Variants in KIRREL3 observed in about 807,000 individuals in gnomAD.
KIRREL3 encodes kirre like nephrin family adhesion molecule 3.
Under a neutral mutation model 89.7 loss-of-function variants are expected in KIRREL3, and 36 were observed. The ratio of observed to expected loss-of-function variants is 0.40; its 90% CI spans 0.31 to 0.53. The LOEUF (loss-of-function observed/expected upper bound fraction) is 0.53. Among genes scored for constraint, KIRREL3 ranks in the 20% least tolerant of loss-of-function variants. The probability of loss-of-function intolerance (pLI) is 0.49; values close to 1 mark genes in which losing one functional copy is unlikely to be tolerated. For missense variants in KIRREL3, 864 were observed against 1,056.6 expected (o/e 0.82, Z 2.53); for synonymous variants, 445 against 441.4 (o/e 1.01, Z -0.10).
rs1255808529 is a variant in KIRREL3 at position 126,791,051 on chromosome 11, G to C, written c.55+209404C>G. Among the ~76,000 whole-genome samples, 3 of 152,182 alleles carry C rather than the reference G, an allele frequency of 2.0e-5. No homozygotes were observed. The highest frequency in any genetic ancestry group is 4.4e-5 in the Non-Finnish European group (3 of 68,026). On this transcript the variant is annotated intron_variant, in intron 1 of 16. Transcript: ENST00000525144. This position sits in a 1 kb window ranked among gnomAD's most constrained non-coding sequence, Gnocchi z 4.8. The stretch of plus-strand genomic sequence containing the variant: ...CAAATGAGCATGATGTCACTTCTTA[G>C]CTTTGGGAGGAAAAAATGAGTGATC...
In KIRREL3 at chr11:126,451,285, C is replaced by T. The variant is rs1032959229; in HGVS notation, c.849-2128G>A. ...GCTTGTGTGTCCGTGTGCATGTGTG[C>T]GTGTGTGCATGTGTGCATGTGTGTG... is the stretch of plus-strand genomic sequence containing the variant. On this transcript the variant is annotated intron_variant, in intron 7 of 16. Transcript: ENST00000525144. Among the ~76,000 whole-genome samples the T allele has an allele frequency of 3.6e-5, 4 of 110,524 alleles. No homozygotes were observed. The East Asian group carries it at 8.3e-4, about 23-fold the overall frequency. The allele number at this position is 110,524 out of a possible 152,430, so 72.5% of individuals were successfully genotyped here.
chr11:126,435,707 G>A (rs1359383764), intron 12 of KIRREL3, among the ~76,000 whole-genome samples: 1 of 152,234 alleles, frequency 6.6e-6, no homozygotes, highest in East Asian at 1.9e-4. Flanking sequence ...GGGAAGAGGT[G>A]TTGGGAGATG....
chr11:126,804,644 A>C (rs1326775441), intron 1 of KIRREL3, among the ~76,000 whole-genome samples: 1 of 152,242 alleles, frequency 6.6e-6, no homozygotes, highest in Non-Finnish European at 1.5e-5. Flanking sequence ...AAAGCATTTT[A>C]GTGGAAAGAG....
intron 1 of KIRREL3, among the ~76,000 whole-genome samples, chr11:126,672,797 A>G (rs1234951908): frequency 6.6e-6 from 1 of 152,210 alleles, no homozygotes; most frequent in African/African-American, 2.4e-5. Context: ...TTCTATGTCC[A>G]GTGAGTTCCT....
Position 126,431,482 on chromosome 11 carries a change from C to T in KIRREL3, c.1633G>A (p.Gly545Ser). The T allele has an allele frequency of 6.2e-7, 1 of 1,614,020 alleles. No individual in the cohort carries two copies. The highest frequency in any genetic ancestry group is 8.5e-7 in the Non-Finnish European group (1 of 1,179,898). The part of the protein sequence containing the change: ...AVIIGVAVGA[G>S]VAFLVLMATI... ...GCCATAAGGACGAGGAAGGCCACAC[C>T]AGCTCCTACGGCCACCCCAATGATG... is the stretch of plus-strand genomic sequence containing the variant. Residue 545 changes from glycine (G) to serine (S), a missense_variant, in exon 14 of 17, where the codon GGT (glycine) becomes AGT (serine). Physicochemically the swap from Gly to Ser is moderately conservative, Grantham distance 56. Coordinates refer to ENST00000525144, the MANE Select transcript of KIRREL3 (RefSeq NM_032531.4). The surrounding 1 kb of genome is among the most constrained non-coding windows in gnomAD (Gnocchi z 7.1).
rs112936987 is a variant in KIRREL3, at chr11:126,872,706, G to A, written c.55+127749C>T. 0.013 allele frequency among the ~76,000 whole-genome samples: 2,034 copies of A among 152,268 alleles called. 47 individuals are homozygous for A. Among genetic ancestry groups the A allele is most frequent in the African/African-American group, 0.046 (1,931 of 41,532 alleles). ...CCATCCTGGGCTTGTTTTCATCTTT[G>A]TCAGTGTGGGTACTTTCCTGCTCTG... On this transcript the variant is annotated intron_variant, in intron 1 of 16. Coordinates refer to ENST00000525144, the MANE Select transcript of KIRREL3 (RefSeq NM_032531.4). The surrounding 1 kb of genome is among the most constrained non-coding windows in gnomAD (Gnocchi z 4.2).
chr11:126,951,285 C>T (rs901229465), intron 1 of KIRREL3, among the ~76,000 whole-genome samples: 4 of 152,164 alleles, frequency 2.6e-5, no homozygotes, highest in South Asian at 2.1e-4. Flanking sequence ...AAAAGATAGG[C>T]GAGTACATCC....
intron 1 of KIRREL3, among the ~76,000 whole-genome samples, chr11:126,618,968 C>T (rs1943469028): frequency 6.6e-6 from 1 of 152,226 alleles, no homozygotes; most frequent in African/African-American, 2.4e-5. Flanking sequence ...ATTCTAGAAC[C>T]TGGCAGGCCA....
At chr11:126,494,294 A>G (rs774480585) in intron 4 of KIRREL3, among the ~76,000 whole-genome samples, 46 of 152,248 alleles carry the variant, frequency 3.0e-4, no homozygotes, top group Admixed American at 2.1e-3. Flanking sequence ...TGCTGTAAAT[A>G]AAATATTTAA....
intron 1 of KIRREL3, among the ~76,000 whole-genome samples, chr11:126,737,220 G>A (rs117256336): frequency 0.044 from 6,710 of 152,218 alleles, 218 homozygotes; most frequent in Non-Finnish European, 0.068. Context: ...CCTGGCCTCA[G>A]GAAGGGAGTG....
rs985050626 is a variant in KIRREL3, at chr11:126,615,750, C to T, written c.56-52838G>A. 5.3e-5 allele frequency among the ~76,000 whole-genome samples: 8 copies of T among 152,202 alleles called. No homozygotes were observed. Among genetic ancestry groups the T allele is most frequent in the Non-Finnish European group, 8.8e-5 (6 of 68,026 alleles). On this transcript the variant is annotated intron_variant, in intron 1 of 16. Coordinates refer to ENST00000525144, the MANE Select transcript of KIRREL3 (RefSeq NM_032531.4). This position sits in a 1 kb window ranked among gnomAD's most constrained non-coding sequence, Gnocchi z 5.4. ...ACATTCCTCCAGTGAGGTGTTGGCC[C>T]GGTCCAGAGGCAGAGCCTTACTACC...
chr11:126,487,024 C>T (rs961016981), intron 4 of KIRREL3, among the ~76,000 whole-genome samples: 4 of 152,146 alleles, frequency 2.6e-5, no homozygotes, highest in Non-Finnish European at 5.9e-5. Flanking sequence ...AGGTAGAAAT[C>T]CTGCCTACCG....
In KIRREL3 at chr11:126,566,414, C is replaced by A. The variant is rs1034723924; in HGVS notation, c.56-3502G>T. On this transcript the variant is annotated intron_variant, in intron 1 of 16. Transcript: ENST00000525144. This position sits in a 1 kb window ranked among gnomAD's most constrained non-coding sequence, Gnocchi z 4.9. ...CCTGCTCTGAGCCCGTAGGACCAAG[C>A]ACAGTGCCTGACACATGGTAAGTGC... 2.0e-5 allele frequency among the ~76,000 whole-genome samples: 3 copies of A among 152,212 alleles called. No individual in the cohort carries two copies. Among genetic ancestry groups the A allele is most frequent in the Non-Finnish European group, 2.9e-5 (2 of 68,046 alleles).
chr11:126,624,606 G>A lies in KIRREL3; in HGVS notation c.56-61694C>T, dbSNP rs1438964064. ...TTCACCTGACGGATTAAGCTCAGCA[G>A]AGGCAAGCTGCCTAGGCATGTCGTG... On this transcript the variant is annotated intron_variant, in intron 1 of 16. Transcript: ENST00000525144. The surrounding 1 kb of genome is among the most constrained non-coding windows in gnomAD (Gnocchi z 6.0). 6.6e-6 allele frequency among the ~76,000 whole-genome samples: 1 copy of A among 152,226 alleles called. No homozygotes were observed.
chr11:126,923,176 C>CTTCTTCTTCTTCTTT lies in KIRREL3; in HGVS notation c.55+77278_55+77279insAAAGAAGAAGAAGAA, dbSNP rs766266024. Among the ~76,000 whole-genome samples the CTTCTTCTTCTTCTTT allele has an allele frequency of 6.2e-3, 111 of 17,988 alleles. 22 individuals carry two copies. The highest frequency in any genetic ancestry group is 0.022 in the East Asian group (19 of 868). 11.8% of individuals were successfully genotyped at this position (17,988 alleles called of 152,430 possible). A position where few individuals can be genotyped will look rare whatever the true frequency, so the allele number is the denominator to read the frequency against. ...TCTTCTTCTTCTTCTTCTTCTTCTT[C>CTTCTTCTTCTTCTTT]TCTTCTTCTTCTCTTCTTCTTCTTC... On this transcript the variant is annotated intron_variant, in intron 1 of 16. Coordinates refer to ENST00000525144, the MANE Select transcript of KIRREL3 (RefSeq NM_032531.4).
In KIRREL3 at chr11:126,837,047, G is replaced by A. The variant is rs113776313; in HGVS notation, c.55+163408C>T. On this transcript the variant is annotated intron_variant, in intron 1 of 16. Transcript: ENST00000525144. The surrounding 1 kb of genome is among the most constrained non-coding windows in gnomAD (Gnocchi z 4.7). ...TTAAGTATTTTTTTGGGGGGCGGGG[G>A]GTTGAATGAATGAACTAACAAACAG... Among the ~76,000 whole-genome samples the A allele has an allele frequency of 2.0e-5, 3 of 151,968 alleles. No homozygotes were observed. Among genetic ancestry groups the A allele is most frequent in the South Asian group, 4.2e-4 (2 of 4,800 alleles).
At chr11:126,630,841 C>T (rs1215486926) in intron 1 of KIRREL3, among the ~76,000 whole-genome samples, 2 of 152,142 alleles carry the variant, frequency 1.3e-5, no homozygotes, top group African/African-American at 4.8e-5. Flanking sequence ...ATGGCAACTC[C>T]ACAGGGTGAG....
In KIRREL3 at chr11:126,978,485, A is replaced by G. The variant is rs181324142; in HGVS notation, c.55+21970T>C. Reference sequence around the variant, plus strand: ...AACAGGTTGCTCCCTCTATCATCCAATATATTCTTGTGTTTACGTGCCCTG... The same window carrying G: ...AACAGGTTGCTCCCTCTATCATCCAGTATATTCTTGTGTTTACGTGCCCTG... On this transcript the variant is annotated intron_variant, in intron 1 of 16. Transcript: ENST00000525144. This position sits in a 1 kb window ranked among gnomAD's most constrained non-coding sequence, Gnocchi z 4.2. Among the ~76,000 whole-genome samples the G allele has an allele frequency of 4.6e-5, 7 of 152,190 alleles. No individual in the cohort carries two copies. Among genetic ancestry groups the G allele is most frequent in the Admixed American group, 4.6e-4 (7 of 15,290 alleles).
At chr11:126,838,615 G>A (rs1477622272) in intron 1 of KIRREL3, among the ~76,000 whole-genome samples, 1 of 152,170 alleles carries the variant, frequency 6.6e-6, no homozygotes, top group African/African-American at 2.4e-5. Context: ...ATTCAGCATG[G>A]AGTATGAGTT....
Sources: allele counts gnomAD v4.1 joint callset (sites outside exome capture counted in the v4.1 genomes callset), GRCh38; gene constraint gnomAD v4.1.1; non-coding constraint Gnocchi (gnomAD v3.1); transcripts MANE v1.5; gene names NCBI Gene and HGNC (gene_info 2026-07-23, HGNC 2026-07-21).